Variants in FMN2 observed in about 807,000 individuals in gnomAD.
The protein encoded by FMN2 is formin-2.
FMN2 carries 51 observed loss-of-function variants against 142.3 expected under a neutral mutation model. That is an observed-to-expected ratio of 0.36 (90% CI 0.29 to 0.45). FMN2 has a LOEUF of 0.45. Among genes scored for constraint, FMN2 ranks in the 20% least tolerant of loss-of-function variants. FMN2 has a pLI of 1.00. For missense variants in FMN2, 1,936 were observed against 2,122.8 expected, an observed-to-expected ratio of 0.91 and a Z score of 1.73; for synonymous variants, 882 against 869.8, an observed-to-expected ratio of 1.01 and a Z score of -0.25.
rs1023823695 is a variant in FMN2 at position 240,107,626 on chromosome 1, C to T, written c.1615+13902C>T. ...CTGAAAAGTGGTTGGTAGTTATCAT[C>T]ATATGTGTTCTATGATATTCTTTTT... On this transcript the variant is annotated intron_variant, in intron 1 of 17. Coordinates refer to ENST00000319653, the MANE Select transcript of FMN2 (RefSeq NM_020066.5). Among the ~76,000 whole-genome samples, 44 of 152,136 alleles carry T rather than the reference C, an allele frequency of 2.9e-4. 2 individuals are homozygous for T. Among genetic ancestry groups the T allele is most frequent in the Admixed American group, 3.3e-4 (5 of 15,282 alleles).
chr1:240,195,194 A>G (rs914794038), intron 4 of FMN2, among the ~76,000 whole-genome samples: 1 of 152,194 alleles, frequency 6.6e-6, no homozygotes, highest in Admixed American at 6.5e-5. Context: ...ACGGCCAATC[A>G]CAAACACGCT....
intron 16 of FMN2, among the ~76,000 whole-genome samples, chr1:240,467,618 C>G (rs1273280389): frequency 1.3e-5 from 2 of 152,044 alleles, no homozygotes; most frequent in Non-Finnish European, 2.9e-5. Flanking sequence ...AAAGACTATT[C>G]AAAATTGGTT....
chr1:240,148,397 G>A (rs1287516985), intron 2 of FMN2, among the ~76,000 whole-genome samples: 2 of 147,082 alleles, frequency 1.4e-5, no homozygotes, highest in African/African-American at 5.2e-5. Context: ...CAGAGAGAAA[G>A]ACAGAGAGAC....
At chr1:240,332,625 A>G (rs752884813) in intron 11 of FMN2, among the ~76,000 whole-genome samples, 1 of 152,194 alleles carries the variant, frequency 6.6e-6, no homozygotes, top group East Asian at 1.9e-4. Context: ...ATTAATTTAA[A>G]TAATCAAGAG....
Position 240,148,342 on chromosome 1 carries a change from A to G in FMN2, c.1782+24997A>G, listed in dbSNP as rs578168510. Among the ~76,000 whole-genome samples, 8 of 112,262 alleles carry G rather than the reference A, an allele frequency of 7.1e-5. No individual in the cohort carries two copies. The South Asian group carries it at 3.3e-3, about 46-fold the overall frequency. 73.6% of individuals were successfully genotyped at this position (112,262 alleles called of 152,430 possible). On this transcript the variant is annotated intron_variant, in intron 2 of 17. Transcript: ENST00000319653. ...CAGAAACAGAGAGACAGACAGATAA[A>G]GAGAGAAAGACAGAGAGACAGAGAC... is the stretch of plus-strand genomic sequence containing the variant.
chr1:240,128,928 C>T (rs1274422474), intron 2 of FMN2, among the ~76,000 whole-genome samples: 1 of 152,006 alleles, frequency 6.6e-6, no homozygotes. Context: ...GGATGGAGTG[C>T]AGTGGCGCGA....
intron 15 of FMN2, among the ~76,000 whole-genome samples, chr1:240,428,131 C>T (rs1350886609): frequency 1.3e-5 from 2 of 151,872 alleles, no homozygotes. Context: ...AAGAAATCTT[C>T]TTTTTTCCTT....
chr1:240,111,536 A>G (rs1661806706), intron 1 of FMN2, among the ~76,000 whole-genome samples: 1 of 152,004 alleles, frequency 6.6e-6, no homozygotes, highest in African/African-American at 2.4e-5. Flanking sequence ...GGCATCTGTA[A>G]ACTGTCATGG....
At chr1:240,464,485 C>G (rs1315352349) in intron 16 of FMN2, among the ~76,000 whole-genome samples, 2 of 152,122 alleles carry the variant, frequency 1.3e-5, no homozygotes, top group Non-Finnish European at 2.9e-5. Context: ...CACAGAATAT[C>G]TGTGCATTAA....
intron 16 of FMN2, among the ~76,000 whole-genome samples, chr1:240,467,696 C>T (rs368685797): frequency 2.6e-5 from 4 of 152,314 alleles, no homozygotes; most frequent in African/African-American, 9.6e-5. Flanking sequence ...ATTGATTAAT[C>T]TCACTGTTTC....
intron 7 of FMN2, among the ~76,000 whole-genome samples, chr1:240,288,457 C>T (rs1033019779): frequency 2.8e-4 from 42 of 152,074 alleles, no homozygotes; most frequent in African/African-American, 9.7e-4. Flanking sequence ...ATGAAATTAA[C>T]ACAAGGTAGA....
At chr1:240,233,119 T>C (rs1375506706) in intron 6 of FMN2, among the ~76,000 whole-genome samples, 1 of 152,064 alleles carries the variant, frequency 6.6e-6, no homozygotes, top group Non-Finnish European at 1.5e-5. Context: ...GGTGGCTCAC[T>C]CCTGTAATCC....
At chr1:240,366,831 G>A (rs201394745) in intron 14 of FMN2, among the ~76,000 whole-genome samples, 68 of 152,252 alleles carry the variant, frequency 4.5e-4, no homozygotes, top group African/African-American at 1.5e-3. Context: ...GATTACAGGC[G>A]TGAGCCACCG....
intron 15 of FMN2, among the ~76,000 whole-genome samples, chr1:240,420,152 G>A (rs184103445): frequency 6.6e-6 from 1 of 152,242 alleles, no homozygotes; most frequent in Admixed American, 6.5e-5. Flanking sequence ...CAACTGCACT[G>A]TTCAGTGATG....
chr1:240,311,089 A>G lies in FMN2; in HGVS notation c.4215+16206A>G, dbSNP rs571870496. 1.4e-4 allele frequency among the ~76,000 whole-genome samples: 21 copies of G among 152,296 alleles called. No individual in the cohort carries two copies. The South Asian group carries it at 3.9e-3, about 29-fold the overall frequency. On this transcript the variant is annotated intron_variant, in intron 8 of 17. Transcript: ENST00000319653. ...GTTCTAATCCAATTAGAAGGAAGAA[A>G]AAAAAGCAGGTAAAGTAGAAAGAAT...
intron 13 of FMN2, among the ~76,000 whole-genome samples, chr1:240,338,467 T>C (rs1671636774): frequency 6.6e-6 from 1 of 152,224 alleles, no homozygotes; most frequent in Admixed American, 6.5e-5. Context: ...TTTACTTTCC[T>C]TGGTTTCAGT....
At position 240,300,730 on chromosome 1, in the gene FMN2, A is replaced by G. The variant is rs377284979; in HGVS notation, c.4215+5847A>G. Among the ~76,000 whole-genome samples the G allele has an allele frequency of 1.3e-4, 20 of 152,314 alleles. 1 individual carries two copies. The East Asian group carries it at 2.3e-3, about 18-fold the overall frequency. Reference sequence around the variant, plus strand: ...CATGCAGTTTGCTAAGATCAGTGCTAGGTAGTATATTAGGCACATGCATAT... The same window carrying G: ...CATGCAGTTTGCTAAGATCAGTGCTGGGTAGTATATTAGGCACATGCATAT... On this transcript the variant is annotated intron_variant, in intron 8 of 17. Transcript: ENST00000319653.
Position 240,225,931 on chromosome 1 carries a change from C to T in FMN2, c.4065+14696C>T, listed in dbSNP as rs144492427. Among the ~76,000 whole-genome samples, 110 of 152,090 alleles carry T rather than the reference C, an allele frequency of 7.2e-4. No individual in the cohort carries two copies. The East Asian group carries it at 0.019, about 26-fold the overall frequency. ...GGGAAAAAATTACTAGATGATTTAA[C>T]GATCGATTAGTGGTGACAGAAGAAA... is the stretch of plus-strand genomic sequence containing the variant. On this transcript the variant is annotated intron_variant, in intron 6 of 17. Coordinates refer to ENST00000319653, the MANE Select transcript of FMN2 (RefSeq NM_020066.5).
At chr1:240,406,946 A>G (rs1674227614) in intron 15 of FMN2, among the ~76,000 whole-genome samples, 1 of 152,142 alleles carries the variant, frequency 6.6e-6, no homozygotes, top group South Asian at 2.1e-4. Context: ...GTTTAAATTG[A>G]AGTTTTTTCA....
Sources: allele counts gnomAD v4.1 joint callset (sites outside exome capture counted in the v4.1 genomes callset), GRCh38; gene constraint gnomAD v4.1.1; transcripts MANE v1.5; gene names NCBI Gene and HGNC (gene_info 2026-07-23, HGNC 2026-07-21).